Variants in CSMD3 observed in about 807,000 individuals in gnomAD.
The protein encoded by CSMD3 is CUB and sushi domain-containing protein 3.
In CSMD3, 177 loss-of-function variants were observed where a neutral mutation model predicts 435.2. The ratio of observed to expected loss-of-function variants is 0.41; its 90% CI spans 0.36 to 0.46. The LOEUF is 0.46. Among genes scored for constraint, CSMD3 ranks in the 20% least tolerant of loss-of-function variants. The pLI is 0.34. For missense variants in CSMD3, 4,265 were observed against 4,504.6 expected (o/e 0.95, Z 1.52); for synonymous variants, 1,656 against 1,520.5 (o/e 1.09, Z -2.07).
chr8:112,663,676 T>C (rs184882202), intron 17 of CSMD3, among the ~76,000 whole-genome samples: 1 of 151,802 alleles, frequency 6.6e-6, no homozygotes, highest in East Asian at 1.9e-4. Context: ...AGAGAGGGGA[T>C]TGGAGAGATA....
intron 13 of CSMD3, among the ~76,000 whole-genome samples, chr8:112,743,430 A>C (rs1175493612): frequency 6.6e-6 from 1 of 151,954 alleles, no homozygotes; most frequent in Non-Finnish European, 1.5e-5. Flanking sequence ...TTAATGATGA[A>C]TCATTCCTTT....
intron 13 of CSMD3, among the ~76,000 whole-genome samples, chr8:112,795,945 C>T (rs1158659926): frequency 6.6e-6 from 1 of 151,916 alleles, no homozygotes; most frequent in Admixed American, 6.6e-5. Context: ...TTAAGAAATA[C>T]CAAGTAACTA....
rs756452103 is a variant in CSMD3, at chr8:112,666,388, G to C, written c.2705C>G (p.Pro902Arg). Reference protein sequence around the residue: ...GAPCGGHFSAPSGVILSPGWP... With the variant: ...GAPCGGHFSARSGVILSPGWP... Reference sequence around the variant, plus strand: ...TCCTGGTGAGAGAATCACTCCACTGGGAGCTGAAAAATGGCCACCACATGG... The same window carrying C: ...TCCTGGTGAGAGAATCACTCCACTGCGAGCTGAAAAATGGCCACCACATGG... The change falls in exon 17 of 71, where the codon CCC (proline) becomes CGC (arginine). Residue 902 changes from proline to arginine, a missense_variant. This residue lies in a region of CSMD3 where 279 missense variants were observed against 369.0 expected (regional missense o/e 0.76). Transcript: ENST00000297405. 4.3e-6 allele frequency: 7 copies of C among 1,612,408 alleles called. No individual in the cohort carries two copies. The highest frequency in any genetic ancestry group is 5.9e-6 in the Non-Finnish European group (7 of 1,179,180).
intron 23 of CSMD3, among the ~76,000 whole-genome samples, chr8:112,577,308 G>T (rs1230971952): frequency 6.6e-6 from 1 of 152,048 alleles, no homozygotes; most frequent in Non-Finnish European, 1.5e-5. Flanking sequence ...TACTTTTAAA[G>T]TGGTCATGAA....
intron 58 of CSMD3, among the ~76,000 whole-genome samples, chr8:112,283,013 C>T (rs1227189918): frequency 6.6e-6 from 1 of 152,036 alleles, no homozygotes; most frequent in African/African-American, 2.4e-5. Context: ...ACAGCCACAA[C>T]TTTTCCAAAA....
intron 1 of CSMD3, among the ~76,000 whole-genome samples, chr8:113,412,382 T>C (rs929278413): frequency 6.6e-5 from 10 of 152,136 alleles, no homozygotes; most frequent in African/African-American, 2.4e-4. Flanking sequence ...ACTTGCAGAG[T>C]AAAGAAGTTG....
chr8:113,371,417 T>C (rs1035661733), intron 1 of CSMD3, among the ~76,000 whole-genome samples: 2 of 152,124 alleles, frequency 1.3e-5, no homozygotes, highest in Admixed American at 6.5e-5. Flanking sequence ...TACCTGTACA[T>C]ATGGCAGGTT....
At chr8:113,282,122 C>T (rs2132477987) in intron 2 of CSMD3, among the ~76,000 whole-genome samples, 1 of 152,030 alleles carries the variant, frequency 6.6e-6, no homozygotes, top group Admixed American at 6.6e-5. Flanking sequence ...CAACATAATA[C>T]TGAATGGGGA....
intron 13 of CSMD3, among the ~76,000 whole-genome samples, chr8:112,773,121 G>T (rs2078163306): frequency 6.6e-6 from 1 of 151,902 alleles, no homozygotes; most frequent in Non-Finnish European, 1.5e-5. Flanking sequence ...AACGCTTACA[G>T]GTGTGGAGGG....
chr8:113,274,817 T>TACACACAC (rs57828038), intron 3 of CSMD3, among the ~76,000 whole-genome samples: 1 of 132,726 alleles, frequency 7.5e-6, no homozygotes, highest in African/African-American at 2.8e-5. Flanking sequence ...CACATTCAGC[T>TACACACAC]ACACACACAC....
At chr8:112,328,640 TCCCCATAAG>T (rs944196229) in intron 45 of CSMD3, among the ~76,000 whole-genome samples, 10 of 152,252 alleles carry the variant, frequency 6.6e-5, no homozygotes, top group Non-Finnish European at 1.3e-4. Context: ...CAAATCATAA[TCCCCATAAG>T]CCCCATGTGT....
At chr8:112,482,395 C>T (rs1819711178) in intron 31 of CSMD3, among the ~76,000 whole-genome samples, 1 of 152,164 alleles carries the variant, frequency 6.6e-6, no homozygotes, top group African/African-American at 2.4e-5. Flanking sequence ...AATTTACATA[C>T]ATAAAATTCA....
rs142069456 is a variant in CSMD3 at position 113,232,198 on chromosome 8, A to G, written c.514+46394T>C. ...GCTATTTACTTGTAAAATAATGTATATTTCACAAAATTGCTTCTATAAAAC... is the reference window on the plus strand; with the variant it reads ...GCTATTTACTTGTAAAATAATGTATGTTTCACAAAATTGCTTCTATAAAAC... On this transcript the variant is annotated intron_variant, in intron 3 of 70. Coordinates refer to ENST00000297405, the MANE Select transcript of CSMD3 (RefSeq NM_198123.2). 1.3e-4 allele frequency among the ~76,000 whole-genome samples: 19 copies of G among 151,708 alleles called. No homozygotes were observed. The East Asian group carries it at 3.7e-3, about 29-fold the overall frequency.
At chr8:112,958,155 C>T (rs1306092225) in intron 7 of CSMD3, among the ~76,000 whole-genome samples, 2 of 152,020 alleles carry the variant, frequency 1.3e-5, no homozygotes, top group African/African-American at 4.8e-5. Flanking sequence ...AATGAACACC[C>T]AAGATGAAGC....
chr8:113,274,664 C>A (rs144030039), intron 3 of CSMD3, among the ~76,000 whole-genome samples: 5 of 152,012 alleles, frequency 3.3e-5, no homozygotes, highest in African/African-American at 1.2e-4. Context: ...AATTTCAATA[C>A]GCTAAATTGT....
At chr8:113,409,149 T>C (rs569878084) in intron 1 of CSMD3, among the ~76,000 whole-genome samples, 1 of 144,348 alleles carries the variant, frequency 6.9e-6, no homozygotes, top group Non-Finnish European at 1.5e-5. Context: ...AGTGGTGGGA[T>C]CTCAGCTCAC....
intron 13 of CSMD3, among the ~76,000 whole-genome samples, chr8:112,782,754 T>G (rs1002036091): frequency 2.6e-5 from 4 of 151,984 alleles, no homozygotes; most frequent in Non-Finnish European, 5.9e-5. Flanking sequence ...ATCAGATTTT[T>G]CAGTGGAAAC....
chr8:112,839,972 T>C (rs231316), intron 11 of CSMD3, among the ~76,000 whole-genome samples: 123,076 of 151,588 alleles, frequency 0.81, 50,193 homozygotes, highest in African/African-American at 0.88. Context: ...GTCTTTGTTG[T>C]TAACCTTATT....
At chr8:112,714,014 C>T (rs929296122) in intron 13 of CSMD3, among the ~76,000 whole-genome samples, 1 of 152,140 alleles carries the variant, frequency 6.6e-6, no homozygotes, top group Non-Finnish European at 1.5e-5. Context: ...ACTGCATCAA[C>T]TAGTGGGCAA....
Sources: gnomAD v4.1 joint callset for allele counts (sites outside exome capture counted in the v4.1 genomes callset) on GRCh38, gnomAD v4.1.1 for gene constraint, gnomAD v4.1.1 regional missense constraint, MANE v1.5 for transcripts, NCBI Gene and HGNC (gene_info 2026-07-23, HGNC 2026-07-21) for gene names.